Variants in RNF150 observed in about 807,000 individuals in gnomAD.
The protein encoded by RNF150 is ring finger protein 150.
A neutral mutation model predicts 39.3 loss-of-function variants in RNF150; 24 were observed. That is an observed-to-expected ratio of 0.61 (90% CI 0.44 to 0.86). The LOEUF is 0.86. RNF150 is among the 40% of genes least tolerant of loss of function. RNF150 has a pLI of 0.00. For synonymous variants in RNF150, 255 were observed against 227.3 expected (o/e 1.12, Z -1.10); for missense variants, 502 against 587.8 (o/e 0.85, Z 1.51).
chr4:141,096,270 C>CACTA (rs1449667752), intron 1 of RNF150, among the ~76,000 whole-genome samples: 2 of 136,806 alleles, frequency 1.5e-5, no homozygotes, highest in East Asian at 5.1e-4. Context: ...AGTCTTGGCT[C>CACTA]ACTACAACTT....
chr4:140,976,425 T>C (rs927659900), intron 1 of RNF150, among the ~76,000 whole-genome samples: 2 of 152,010 alleles, frequency 1.3e-5, no homozygotes, highest in Non-Finnish European at 2.9e-5. Flanking sequence ...TTTGCGAGGA[T>C]GACCCAGCCA....
intron 1 of RNF150, among the ~76,000 whole-genome samples, chr4:141,156,427 T>C (rs1414206776): frequency 6.6e-6 from 1 of 152,072 alleles, no homozygotes; most frequent in African/African-American, 2.4e-5. Context: ...ACTACAGGCA[T>C]GTGCCACAAC....
intron 1 of RNF150, among the ~76,000 whole-genome samples, chr4:141,032,610 GA>G (rs1015109121): frequency 2.7e-5 from 4 of 150,152 alleles, no homozygotes; most frequent in African/African-American, 4.9e-5. Context: ...AAAGCTCTGT[GA>G]AAAAAAAAGA....
intron 1 of RNF150, among the ~76,000 whole-genome samples, chr4:141,094,906 T>C (rs1242941039): frequency 6.6e-6 from 1 of 152,130 alleles, no homozygotes; most frequent in African/African-American, 2.4e-5. Flanking sequence ...AGCAAATAAA[T>C]AGAACCAAAA....
At chr4:141,088,843 CCA>C (rs1738467587) in intron 1 of RNF150, among the ~76,000 whole-genome samples, 1 of 152,104 alleles carries the variant, frequency 6.6e-6, no homozygotes, top group South Asian at 2.1e-4. Flanking sequence ...ATGTCCAGAA[CCA>C]CAGTTTTCAC....
rs1307546283 is a variant in RNF150, at chr4:140,865,100, T to C, written c.*3161A>G. The C allele has an allele frequency of 4.6e-5, 7 of 152,170 alleles. No homozygotes were observed. The highest frequency in any genetic ancestry group is 4.6e-4 in the Admixed American group (7 of 15,278). 9.4% of individuals were successfully genotyped at this position (152,170 alleles called of 1,614,324 possible). On this transcript the variant is annotated 3_prime_UTR_variant, in exon 7 of 7. Transcript: ENST00000515673. The stretch of plus-strand genomic sequence containing the variant: ...CCAATTGGCAGCCACTAGCCACATG[T>C]GACTATCCAAATTGAGAGGTGCTGT...
At chr4:141,124,914 CA>C (rs1726710585) in intron 1 of RNF150, among the ~76,000 whole-genome samples, 1 of 152,112 alleles carries the variant, frequency 6.6e-6, no homozygotes, top group East Asian at 1.9e-4. Context: ...TATATGTTCA[CA>C]AATTGAATAT....
intron 1 of RNF150, among the ~76,000 whole-genome samples, chr4:141,065,156 C>A (rs577290268): frequency 6.6e-6 from 1 of 152,208 alleles, no homozygotes; most frequent in Non-Finnish European, 1.5e-5. Context: ...TGAGCCACCA[C>A]ACCTGGCCCT....
At chr4:141,185,799 T>G (rs1246532581) in intron 1 of RNF150, among the ~76,000 whole-genome samples, 1 of 152,274 alleles carries the variant, frequency 6.6e-6, no homozygotes. Flanking sequence ...ATGTGGTTTT[T>G]GTGATTGGCT....
intron 5 of RNF150, among the ~76,000 whole-genome samples, chr4:140,923,345 A>T (rs1731241113): frequency 6.6e-6 from 1 of 152,260 alleles, no homozygotes; most frequent in Admixed American, 6.5e-5. Flanking sequence ...GAAGACATTT[A>T]TGCAGCCAAA....
chr4:141,115,799 G>A (rs577272898), intron 1 of RNF150, among the ~76,000 whole-genome samples: 1 of 152,166 alleles, frequency 6.6e-6, no homozygotes, highest in East Asian at 1.9e-4. Flanking sequence ...CAGATATATA[G>A]ACCAATGGAA....
At chr4:141,008,991 A>C (rs1734968804) in intron 1 of RNF150, among the ~76,000 whole-genome samples, 1 of 152,188 alleles carries the variant, frequency 6.6e-6, no homozygotes, top group African/African-American at 2.4e-5. Context: ...TATTATGTCA[A>C]CATTTCAATT....
intron 1 of RNF150, among the ~76,000 whole-genome samples, chr4:141,198,128 TG>T (rs1728233098): frequency 6.6e-6 from 1 of 150,622 alleles, no homozygotes; most frequent in Non-Finnish European, 1.5e-5. Context: ...CTGGTTCAAG[TG>T]ATTCTCCTGC....
intron 1 of RNF150, among the ~76,000 whole-genome samples, chr4:141,018,751 G>C (rs1489898728): frequency 2.6e-5 from 4 of 151,954 alleles, no homozygotes; most frequent in Non-Finnish European, 4.4e-5. Context: ...AAAGGATTTG[G>C]GGGAATTTAC....
At chr4:141,079,740 G>C (rs1738078076) in intron 1 of RNF150, among the ~76,000 whole-genome samples, 1 of 152,202 alleles carries the variant, frequency 6.6e-6, no homozygotes, top group African/African-American at 2.4e-5. Flanking sequence ...AATGGGGCTA[G>C]TAACACCTCC....
At chr4:141,134,248 A>G (rs1386722147), upstream of RNF150, among the ~76,000 whole-genome samples, 1 of 152,220 alleles carries the variant, frequency 6.6e-6, no homozygotes, top group Non-Finnish European at 1.5e-5. Context: ...TACAGTAGTC[A>G]GCAGACAGTA....
chr4:141,134,291 A>G (rs73849842), upstream of RNF150, among the ~76,000 whole-genome samples: 3,658 of 152,284 alleles, frequency 0.024, 165 homozygotes, highest in African/African-American at 0.083. Flanking sequence ...TTAAAACTGT[A>G]GTACAGCAGA....
intron 1 of RNF150, among the ~76,000 whole-genome samples, chr4:141,199,137 T>A (rs1443221662): frequency 6.6e-6 from 1 of 152,138 alleles, no homozygotes; most frequent in Non-Finnish European, 1.5e-5. Context: ...ACATAATTAA[T>A]CATTTAGAGA....
At chr4:141,083,551 A>G (rs947357200) in intron 1 of RNF150, among the ~76,000 whole-genome samples, 1 of 152,204 alleles carries the variant, frequency 6.6e-6, no homozygotes, top group Non-Finnish European at 1.5e-5. Flanking sequence ...GAACCAAACT[A>G]AGACACAGCA....
Sources: gnomAD v4.1 joint callset for allele counts (sites outside exome capture counted in the v4.1 genomes callset) on GRCh38, gnomAD v4.1.1 for gene constraint, MANE v1.5 for transcripts, NCBI Gene and HGNC (gene_info 2026-07-23, HGNC 2026-07-21) for gene names.